ZNF683: variants seen among roughly 807,000 people sequenced by gnomAD.
The protein encoded by ZNF683 is zinc finger protein 683.
ZNF683 carries 20 observed loss-of-function variants against 31.4 expected under a neutral mutation model. The ratio of observed to expected loss-of-function variants is 0.64; its 90% confidence interval spans 0.45 to 0.93. The LOEUF (loss-of-function observed/expected upper bound fraction) is 0.93. Among genes scored for constraint, ZNF683 ranks in the 40% least tolerant of loss-of-function variants. The pLI, the probability that ZNF683 is intolerant of heterozygous loss-of-function variation, is 0.00. For synonymous variants in ZNF683, 264 were observed against 267.6 expected, an observed-to-expected ratio of 0.99 and a Z score of 0.13; for missense variants, 621 against 637.2, an observed-to-expected ratio of 0.97 and a Z score of 0.27.
upstream of ZNF683, among the ~76,000 whole-genome samples, chr1:26,373,604 T>C (rs2074710641): frequency 6.6e-6 from 1 of 152,156 alleles, no homozygotes; most frequent in African/African-American, 2.4e-5. Context: ...CCTTGATCCA[T>C]CCTATTCTCC....
chr1:26,374,349 C>T, upstream of ZNF683: 1 of 1,299,748 alleles, frequency 7.7e-7, no homozygotes, highest in Non-Finnish European at 1.0e-6. Flanking sequence ...GAACACTTTG[C>T]ACAACCTCTC....
intron 1 of ZNF683, chr1:26,372,437 C>T (rs1276201602): frequency 3.9e-6 from 5 of 1,286,102 alleles, no homozygotes; most frequent in Admixed American, 2.3e-5. Flanking sequence ...CCGAAATGGC[C>T]AAATACTTAA....
At position 26,363,144 on chromosome 1, in the gene ZNF683, C is replaced by G; in HGVS notation, c.1025G>C (p.Arg342Pro). ...GAATGGACGCTCTCCACTGTGCACA[C>G]GCAGGTGGACCTGAGTCAGATGCGG... ...GQLSNLKVHL[R>P]VHSGERPFQC... Residue 342 changes from arginine to proline, a missense_variant, in exon 5 of 6, where the codon CGT (arginine) becomes CCT (proline). Physicochemically the swap from Arg to Pro is moderately radical, Grantham distance 103. Transcript: ENST00000349618. 6.2e-7 allele frequency: 1 copy of G among 1,608,310 alleles called. No homozygotes were observed. The highest frequency in any genetic ancestry group is 8.5e-7 in the Non-Finnish European group (1 of 1,175,876).
chr1:26,368,352 T>C, intron 2 of ZNF683, 106 bp downstream of exon 2: 1 of 1,355,646 alleles, frequency 7.4e-7, no homozygotes, highest in Non-Finnish European at 9.7e-7. Context: ...GTGCTCAGAC[T>C]GGGAAGGAGA....
At chr1:26,362,508 T>C (rs1023569932) in intron 5 of ZNF683, among the ~76,000 whole-genome samples, 1 of 151,850 alleles carries the variant, frequency 6.6e-6, no homozygotes, top group Non-Finnish European at 1.5e-5. Flanking sequence ...CTCAGAGGAG[T>C]GAAGCCACTA....
intron 1 of ZNF683, 63 bp downstream of exon 1, chr1:26,372,606 C>T: frequency 7.7e-7 from 1 of 1,304,826 alleles, no homozygotes; most frequent in Non-Finnish European, 1.0e-6. Flanking sequence ...GAACACCTTG[C>T]ACAACTTCTC....
intron 1 of ZNF683, among the ~76,000 whole-genome samples, chr1:26,369,680 A>AAAAT (rs76939543): frequency 6.6e-6 from 1 of 151,456 alleles, no homozygotes; most frequent in African/African-American, 2.4e-5. Context: ...AAAAAAAAAA[A>AAAAT]TTAGCTGAGT....
chr1:26,369,054 C>T (rs1330968036), intron 1 of ZNF683, among the ~76,000 whole-genome samples: 2 of 151,444 alleles, frequency 1.3e-5, no homozygotes, highest in Middle Eastern at 3.4e-3. Context: ...AGACTAACCT[C>T]GGCAACATGG....
At position 26,361,931 on chromosome 1, in the gene ZNF683, C is replaced by T. The variant is rs765766396; in HGVS notation, c.1235G>A (p.Arg412Gln). The T allele has an allele frequency of 4.7e-5, 76 of 1,613,858 alleles. No homozygotes were observed. The highest frequency in any genetic ancestry group is 6.7e-5 in the Admixed American group (4 of 60,006). The stretch of plus-strand genomic sequence containing the variant: ...GTGGATGTGCTGGGTGAAGCGACTC[C>T]GGCAGACACTGCACTGGAAGGGCCG... ...GARPFQCSVC[R>Q]SRFTQHIHLK... Residue 412 changes from arginine (R) to glutamine (Q), a missense_variant, in exon 6 of 6, where the codon CGG (arginine) becomes CAG (glutamine). Physicochemically the swap from Arg to Gln is conservative, Grantham distance 43 (BLOSUM62 1). Transcript: ENST00000349618.
intron 1 of ZNF683, among the ~76,000 whole-genome samples, chr1:26,370,908 G>A (rs542746091): frequency 2.6e-5 from 4 of 152,330 alleles, no homozygotes; most frequent in East Asian, 1.9e-4. Context: ...ACCTGCTGAT[G>A]TGGATTGCAG....
Position 26,372,729 on chromosome 1 carries a change from G to T in ZNF683, c.-75C>A. On this transcript the variant is annotated 5_prime_UTR_variant, in exon 1 of 6. The change creates a new upstream start codon in the 5' untranslated region. Coordinates refer to ENST00000349618, the MANE Select transcript of ZNF683 (RefSeq NM_001114759.3). The stretch of plus-strand genomic sequence containing the variant: ...TGGTCTGGGTCAAGGCATCTGCTCA[G>T]GTTCCTCAGTTAGAAGACCATGGTC... 8.1e-7 allele frequency: 1 copy of T among 1,234,092 alleles called. No individual in the cohort carries two copies. The highest frequency in any genetic ancestry group is 1.4e-5 in the South Asian group (1 of 70,436). The allele number at this position is 1,234,092 out of a possible 1,614,324, so 76.4% of individuals were successfully genotyped here.
chr1:26,361,836 A>G lies in ZNF683; in HGVS notation c.1330T>C (p.Ser444Pro). Residue 444 changes from serine to proline, a missense_variant, in exon 6 of 6, where the codon TCT becomes CCT. Ser to Pro is a moderately conservative substitution (Grantham distance 74). Transcript: ENST00000349618. ...TGCCATTGGGCAAGGCAGGCCAGAG[A>G]GGCCAGGGGCAGCTGGGTGTGCACC... Reference protein sequence around the residue: ...GLVHTQLPLASLACLAQWHQG... With the variant: ...GLVHTQLPLAPLACLAQWHQG... The G allele has an allele frequency of 3.1e-6, 5 of 1,614,030 alleles. No individual in the cohort carries two copies. Among genetic ancestry groups the G allele is most frequent in the Non-Finnish European group, 4.2e-6 (5 of 1,179,902 alleles).
chr1:26,361,672 C>A lies in ZNF683; in HGVS notation c.1494G>T (p.Met498Ile). 6.2e-7 allele frequency: 1 copy of A among 1,612,758 alleles called. No individual in the cohort carries two copies. ...SLSSAGTPLV[M>I]GQDQNN ...ATTTTTAATTGTTCTGGTCCTGCCC[C>A]ATCACCAGGGGAGTCCCGGCACTGC... Residue 498 changes from methionine to isoleucine, a missense_variant, in exon 6 of 6, where the codon ATG becomes ATT. By Grantham distance (10) the Met-to-Ile change is conservative. Transcript: ENST00000349618.
chr1:26,364,958 G>T lies in ZNF683; in HGVS notation c.588C>A (p.Tyr196Ter). 2 of 1,563,802 alleles carry T rather than the reference G, an allele frequency of 1.3e-6. No individual in the cohort carries two copies. Among genetic ancestry groups the T allele is most frequent in the Non-Finnish European group, 1.7e-6 (2 of 1,158,274 alleles). Residue 196 changes from tyrosine (Y) to a stop codon, truncating the protein, a stop_gained, in exon 4 of 6, where the codon TAC becomes TAA. Transcript: ENST00000349618. LOFTEE classifies it high-confidence loss of function. Reference protein sequence around the residue: ...PFLLHAFYPGYPLLLPPPHLF... With the variant: ...PFLLHAFYPG ...GGTGGGGTGGAGGCAGGAGAAGTGG[G>T]TATCCAGGGTAGAAGGCGTGGAGGA...
In ZNF683 at chr1:26,365,051, C is replaced by T; in HGVS notation, c.495G>A (p.Lys165=). Residue 165 remains lysine, a synonymous_variant, in exon 4 of 6, where the codon AAG becomes AAA. Coordinates refer to ENST00000349618, the MANE Select transcript of ZNF683 (RefSeq NM_001114759.3). ...GGCAGAAAGCCAAGGGGCTGGGGCT[C>T]TTTCTGTTCTGCAGCGGTGGTGGGG... ...SSSPPPLQNR[K]SPSPLAFCPC... The T allele has an allele frequency of 6.2e-7, 1 of 1,603,576 alleles. No individual in the cohort carries two copies.
chr1:26,371,131 G>C (rs2074659877), intron 1 of ZNF683, among the ~76,000 whole-genome samples: 1 of 152,134 alleles, frequency 6.6e-6, no homozygotes, highest in African/African-American at 2.4e-5. Context: ...GACAGGAACA[G>C]GCAGAGACAA....
upstream of ZNF683, chr1:26,374,148 C>G: frequency 1.1e-6 from 1 of 941,640 alleles, no homozygotes; most frequent in Non-Finnish European, 1.5e-6. Flanking sequence ...AAACTCTACT[C>G]CCTAAAAGGA....
At position 26,364,994 on chromosome 1, in the gene ZNF683, C is replaced by G. The variant is rs61744053; in HGVS notation, c.552G>C (p.Glu184Asp). 1.5e-3 allele frequency: 2,311 copies of G among 1,579,682 alleles called. 37 individuals carry two copies. In the African/African-American group the frequency reaches 0.028, roughly 19 times the overall value. The change falls in exon 4 of 6, where the codon GAG becomes GAC. Residue 184 changes from glutamate to aspartate, a missense_variant. Transcript: ENST00000349618. ...AGAAGGCGTGGAGGAGAAATGGGAG[C>G]TCCTTGGAGATGGAGTTGACAGGGG... ...PCPPVNSISK[E>D]LPFLLHAFYP...
At chr1:26,372,497 G>T (rs747178615) in intron 1 of ZNF683, 172 bp downstream of exon 1, 1 of 1,304,632 alleles carries the variant, frequency 7.7e-7, no homozygotes, top group South Asian at 1.2e-5. Context: ...GGACTAGGTC[G>T]ATCAGATGTC....
Sources: allele counts gnomAD v4.1 joint callset (sites outside exome capture counted in the v4.1 genomes callset), GRCh38; gene constraint gnomAD v4.1.1; transcripts MANE v1.5; gene names NCBI Gene and HGNC (gene_info 2026-07-23, HGNC 2026-07-21).